CSMD3: variants seen among roughly 807,000 people sequenced by gnomAD.
The protein encoded by CSMD3 is CUB and sushi domain-containing protein 3.
CSMD3 carries 177 observed loss-of-function variants against 435.2 expected under a neutral mutation model. That is an observed-to-expected ratio of 0.41 (90% CI 0.36 to 0.46). The LOEUF (loss-of-function observed/expected upper bound fraction) is 0.46, where lower values mean the gene tolerates loss of function less well. Among genes scored for constraint, CSMD3 ranks in the 20% least tolerant of loss-of-function variants. CSMD3 has a pLI of 0.34. For missense variants in CSMD3, 4,265 were observed against 4,504.6 expected (o/e 0.95, Z 1.52); for synonymous variants, 1,656 against 1,520.5 (o/e 1.09, Z -2.07).
chr8:113,212,077 A>G (rs933483967), intron 3 of CSMD3, among the ~76,000 whole-genome samples: 2 of 152,174 alleles, frequency 1.3e-5, no homozygotes, highest in Non-Finnish European at 2.9e-5. Context: ...ACCTTTGTAT[A>G]TTATAAGACT....
rs921076257 is a variant in CSMD3 at position 112,222,987 on chromosome 8, T to C, written c.*1784A>G. On this transcript the variant is annotated 3_prime_UTR_variant, in exon 71 of 71. Coordinates refer to ENST00000297405, the MANE Select transcript of CSMD3 (RefSeq NM_198123.2). Reference sequence around the variant, plus strand: ...TACATTGCACTGAAAATTTACATCATACTTTTACAAAGTTTCTTTTCATAA... The same window carrying C: ...TACATTGCACTGAAAATTTACATCACACTTTTACAAAGTTTCTTTTCATAA... 2.8e-5 allele frequency: 11 copies of C among 397,618 alleles called. No homozygotes were observed. The highest frequency in any genetic ancestry group is 2.1e-4 in the African/African-American group (10 of 48,608). The allele number at this position is 397,618 out of a possible 1,614,324, so 24.6% of individuals were successfully genotyped here. A position where few individuals can be genotyped will look rare whatever the true frequency, so the allele number is the denominator to read the frequency against.
At chr8:112,518,596 T>G (rs1823930626) in intron 27 of CSMD3, among the ~76,000 whole-genome samples, 1 of 149,282 alleles carries the variant, frequency 6.7e-6, no homozygotes, top group Non-Finnish European at 1.5e-5. Flanking sequence ...TAGAGATCTT[T>G]TATAAAAAAT....
chr8:112,447,664 G>A (rs1815760048), intron 32 of CSMD3, among the ~76,000 whole-genome samples: 1 of 152,088 alleles, frequency 6.6e-6, no homozygotes, highest in South Asian at 2.1e-4. Flanking sequence ...ACAAAATTCA[G>A]TCTTTGATTT....
At chr8:112,746,327 T>G (rs780500631) in intron 13 of CSMD3, among the ~76,000 whole-genome samples, 1 of 152,176 alleles carries the variant, frequency 6.6e-6, no homozygotes, top group Non-Finnish European at 1.5e-5. Context: ...TCTTGGTTTC[T>G]TGGTCCCTAG....
intron 3 of CSMD3, among the ~76,000 whole-genome samples, chr8:113,195,814 T>TATATATACACAC (rs1344054794): frequency 8.2e-5 from 11 of 133,446 alleles, no homozygotes; most frequent in African/African-American, 3.2e-4. Context: ...TATATATATA[T>TATATATACACAC]ACACACACAC....
chr8:112,297,337 C>G (rs574578985), intron 53 of CSMD3, among the ~76,000 whole-genome samples: 1 of 151,106 alleles, frequency 6.6e-6, no homozygotes, highest in Non-Finnish European at 1.5e-5. Context: ...TACAAACCTC[C>G]TTAATAAAAT....
At chr8:112,890,325 G>A (rs1381214453) in intron 10 of CSMD3, among the ~76,000 whole-genome samples, 1 of 151,544 alleles carries the variant, frequency 6.6e-6, no homozygotes, top group Non-Finnish European at 1.5e-5. Context: ...TAAGTATCTG[G>A]CATAAAGAGA....
intron 32 of CSMD3, among the ~76,000 whole-genome samples, chr8:112,414,747 T>C (rs1002275260): frequency 3.9e-5 from 6 of 152,154 alleles, no homozygotes; most frequent in Non-Finnish European, 7.4e-5. Context: ...AAAATGCTGA[T>C]AGTGATATGG....
chr8:112,892,171 T>A (rs1280124660), intron 10 of CSMD3, among the ~76,000 whole-genome samples: 1 of 151,604 alleles, frequency 6.6e-6, no homozygotes, highest in Non-Finnish European at 1.5e-5. Context: ...TTCCCAGGAA[T>A]ATATTATTTT....
At chr8:112,681,318 C>T (rs1336233529) in intron 16 of CSMD3, among the ~76,000 whole-genome samples, 1 of 151,588 alleles carries the variant, frequency 6.6e-6, no homozygotes, top group Admixed American at 6.6e-5. Context: ...TCCTAAAGTG[C>T]TGGGGTTACA....
At chr8:113,021,598 A>C (rs955732566) in intron 5 of CSMD3, among the ~76,000 whole-genome samples, 3 of 152,208 alleles carry the variant, frequency 2.0e-5, no homozygotes, top group Non-Finnish European at 2.9e-5. Context: ...CGGCTCCACA[A>C]GGACATTAAG....
chr8:112,483,032 G>T (rs150104587), intron 31 of CSMD3, among the ~76,000 whole-genome samples: 1 of 151,958 alleles, frequency 6.6e-6, no homozygotes, highest in East Asian at 1.9e-4. Context: ...TTTTATAATA[G>T]GTTTCCAATA....
chr8:113,338,937 T>C (rs576196638), intron 1 of CSMD3, among the ~76,000 whole-genome samples: 5 of 152,066 alleles, frequency 3.3e-5, no homozygotes, highest in African/African-American at 1.2e-4. Flanking sequence ...TGTCCACACT[T>C]GTCTGTTTAA....
chr8:112,755,312 C>T (rs150979839), intron 13 of CSMD3, among the ~76,000 whole-genome samples: 7 of 148,026 alleles, frequency 4.7e-5, no homozygotes, highest in Non-Finnish European at 1.0e-4. Flanking sequence ...GCCTGGGCGA[C>T]GGAGGGAGAC....
intron 22 of CSMD3, among the ~76,000 whole-genome samples, chr8:112,610,396 C>A (rs1417752650): frequency 6.6e-6 from 1 of 151,658 alleles, no homozygotes; most frequent in East Asian, 1.9e-4. Flanking sequence ...GTATTGATCT[C>A]TTTGGCTCCC....
At chr8:112,965,606 T>A (rs1355135488) in intron 7 of CSMD3, among the ~76,000 whole-genome samples, 1 of 151,962 alleles carries the variant, frequency 6.6e-6, no homozygotes, top group East Asian at 1.9e-4. Context: ...ATAAAAATGT[T>A]AAAATGGTTA....
chr8:113,168,088 T>C (rs1028747816), intron 4 of CSMD3, among the ~76,000 whole-genome samples: 8 of 152,130 alleles, frequency 5.3e-5, no homozygotes, highest in African/African-American at 1.7e-4. Context: ...GAGTCCTTTC[T>C]TCTTTGGCGT....
chr8:112,671,892 C>A (rs1056974557), intron 16 of CSMD3, among the ~76,000 whole-genome samples: 1 of 151,842 alleles, frequency 6.6e-6, no homozygotes, highest in African/African-American at 2.4e-5. Context: ...GAGGCTCTAA[C>A]CCCATTTTAA....
At chr8:112,904,266 A>G (rs1348415190) in intron 10 of CSMD3, among the ~76,000 whole-genome samples, 1 of 151,434 alleles carries the variant, frequency 6.6e-6, no homozygotes, top group African/African-American at 2.4e-5. Context: ...GGAAAATACT[A>G]AGACAGTGAA....
Sources: gnomAD v4.1 joint callset for allele counts (sites outside exome capture counted in the v4.1 genomes callset) on GRCh38, gnomAD v4.1.1 for gene constraint, MANE v1.5 for transcripts, NCBI Gene and HGNC (gene_info 2026-07-23, HGNC 2026-07-21) for gene names.